Variants in EVC observed in about 807,000 individuals in gnomAD.
EVC encodes the protein EvC ciliary complex subunit 1, also known as evC complex member EVC.
In EVC, 116 loss-of-function variants were observed where a neutral mutation model predicts 118.9. That is an observed-to-expected ratio of 0.98 (90% CI 0.84 to 1.14). EVC has a LOEUF of 1.14. Ranked by LOEUF, EVC falls within the 50% of genes most tolerant of loss-of-function variation. EVC has a pLI of 0.00. For missense variants in EVC, 1,401 were observed against 1,246.4 expected, an observed-to-expected ratio of 1.12 and a Z score of -1.87; for synonymous variants, 619 against 534.7, an observed-to-expected ratio of 1.16 and a Z score of -2.18.
chr4:5,763,719 T>C (rs1732426974), intron 11 of EVC, among the ~76,000 whole-genome samples: 2 of 115,884 alleles, frequency 1.7e-5, no homozygotes, highest in East Asian at 4.8e-4. Context: ...TGTTGGTGTA[T>C]AAGAATGCTT....
chr4:5,741,580 G>A (rs930417068), intron 5 of EVC, 136 bp from the exon 6 acceptor site: 42 of 601,002 alleles, frequency 7.0e-5, no homozygotes, highest in East Asian at 1.5e-4. Flanking sequence ...AAAAATATAC[G>A]TGAAGAGAGG....
At position 5,749,325 on chromosome 4, in the gene EVC, C is replaced by T. The variant is rs939413318; in HGVS notation, c.1098+1019C>T. On this transcript the variant is annotated intron_variant, in intron 8 of 20. Transcript: ENST00000264956. This position sits in a 1 kb window ranked among gnomAD's most constrained non-coding sequence, Gnocchi z 4.4. ...CACACATAAAATACATTAACACTAA[C>T]GATAGCTGATGAGCGGAAAAAAAAA... Among the ~76,000 whole-genome samples, 3 of 138,436 alleles carry T rather than the reference C, an allele frequency of 2.2e-5. No individual in the cohort carries two copies. The highest frequency in any genetic ancestry group is 5.7e-5 in the African/African-American group (2 of 35,150). 90.8% of individuals were successfully genotyped at this position (138,436 alleles called of 152,430 possible).
intron 13 of EVC, among the ~76,000 whole-genome samples, chr4:5,793,960 A>G (rs1326613623): frequency 6.6e-6 from 1 of 152,056 alleles, no homozygotes; most frequent in Non-Finnish European, 1.5e-5. Context: ...GTTTACATAC[A>G]TTTATTTTAC....
Position 5,752,738 on chromosome 4 carries a change from A to C in EVC, c.1099-98A>C, listed in dbSNP as rs978324738. 1.0e-5 allele frequency: 12 copies of C among 1,200,368 alleles called. No individual in the cohort carries two copies. The African/African-American group carries it at 1.8e-4, about 18-fold the overall frequency. The allele number at this position is 1,200,368 out of a possible 1,614,324, so 74.4% of individuals were successfully genotyped here. A position where few individuals can be genotyped will look rare whatever the true frequency, so the allele number is the denominator to read the frequency against. On this transcript the variant is annotated intron_variant, in intron 8 of 20. Transcript: ENST00000264956. The stretch of plus-strand genomic sequence containing the variant: ...CTCCGCTCTCCCAGGCAGTGCCATT[A>C]GTTAATGACCCTGGTGGCTTCTTCT...
At chr4:5,822,254 A>G in the EVC span, among the ~76,000 whole-genome samples, 1 of 152,194 alleles carries the variant, frequency 6.6e-6, no homozygotes, top group Admixed American at 6.5e-5. Context: ...CGGGTGAGCA[A>G]TTTGAGGTTC....
At chr4:5,806,165 C>T (rs1250649735) in intron 17 of EVC, among the ~76,000 whole-genome samples, 2 of 151,798 alleles carry the variant, frequency 1.3e-5, no homozygotes, top group Non-Finnish European at 2.9e-5. Flanking sequence ...CTGCAACCTC[C>T]GCCTCCCGGG....
At chr4:5,828,158 C>A in the EVC span, 1 of 985,426 alleles carries the variant, frequency 1.0e-6, no homozygotes, top group Non-Finnish European at 1.2e-6. Context: ...GATCACAGCA[C>A]CTCCCGTGGG....
intron 11 of EVC, 107 bp from the exon 12 acceptor site, chr4:5,783,445 C>T: frequency 9.4e-7 from 1 of 1,058,576 alleles, no homozygotes; most frequent in Non-Finnish European, 1.5e-6. Context: ...GTCTGTGGAT[C>T]TCCTTGTGTC....
chr4:5,810,550 CAG>C lies in EVC; in HGVS notation c.2894+103_2894+104del, dbSNP rs1716744658. On this transcript the variant is annotated intron_variant, in intron 20 of 20. Coordinates refer to ENST00000264956, the MANE Select transcript of EVC (RefSeq NM_153717.3). ...AGGGCAGGAAAATCATCAGTCCCCTCAGAGGCATTAAATGTGAAGGTTCAAGA... is the reference window on the plus strand; with the variant it reads ...AGGGCAGGAAAATCATCAGTCCCCTCAGGCATTAAATGTGAAGGTTCAAGA... The C allele has an allele frequency of 3.5e-6, 3 of 858,650 alleles. No individual in the cohort carries two copies. In the Admixed American group the frequency reaches 6.1e-5, roughly 17 times the overall value. The allele number at this position is 858,650 out of a possible 1,614,324, so 53.2% of individuals were successfully genotyped here.
rs1730940315 is a variant in EVC, at chr4:5,754,969, T to C, written c.1464+1036T>C. Among the ~76,000 whole-genome samples the C allele has an allele frequency of 6.6e-6, 1 of 151,792 alleles. No homozygotes were observed. Among genetic ancestry groups the C allele is most frequent in the African/African-American group, 2.4e-5 (1 of 41,334 alleles). ...AGAATAGAGGCCCAGGGGCTCTCCC[T>C]GGGGGCCAAGCTGGTGGTGGTGGCA... On this transcript the variant is annotated intron_variant, in intron 10 of 20. Transcript: ENST00000264956. This position sits in a 1 kb window ranked among gnomAD's most constrained non-coding sequence, Gnocchi z 5.8.
At chr4:5,815,311 C>G (rs28671703), downstream of EVC, among the ~76,000 whole-genome samples, 162 of 152,130 alleles carry the variant, frequency 1.1e-3, no homozygotes, top group African/African-American at 3.8e-3. Context: ...CTCCACCCTA[C>G]GAAGGCTCCT....
the EVC span, chr4:5,827,954 A>T: frequency 1.3e-6 from 1 of 793,340 alleles, no homozygotes. Flanking sequence ...GGTCAGTGCT[A>T]AGGTTGTTCA....
intron 2 of EVC, among the ~76,000 whole-genome samples, chr4:5,725,758 T>C (rs1725709834): frequency 6.6e-6 from 1 of 152,184 alleles, no homozygotes; most frequent in Non-Finnish European, 1.5e-5. Context: ...GTTGCGGTTG[T>C]TTTTGGCATT....
chr4:5,782,536 GAAAAAAAAAAAAAAAAA>G (rs71171483), intron 11 of EVC, among the ~76,000 whole-genome samples: 6 of 45,734 alleles, frequency 1.3e-4, no homozygotes, highest in Non-Finnish European at 1.8e-4. Context: ...TGTTTTAAAT[GAAAAAAAAAAAAAAAAA>G]AAAAAAAAAA....
At chr4:5,790,449 C>G (rs898110702) in intron 12 of EVC, among the ~76,000 whole-genome samples, 2 of 152,154 alleles carry the variant, frequency 1.3e-5, no homozygotes, top group Non-Finnish European at 1.5e-5. Context: ...CGTGCGCCAT[C>G]TCCAGGATGC....
chr4:5,819,921 C>T, the EVC span, among the ~76,000 whole-genome samples: 26 of 152,202 alleles, frequency 1.7e-4, no homozygotes, highest in East Asian at 3.5e-3. Context: ...AGCCGAGGAG[C>T]GGGGGAGGAG....
chr4:5,724,065 G>A (rs1358217624), intron 2 of EVC, among the ~76,000 whole-genome samples: 1 of 152,234 alleles, frequency 6.6e-6, no homozygotes, highest in African/African-American at 2.4e-5. Flanking sequence ...ATTGGAAGGT[G>A]TTAACCTCTG....
chr4:5,762,684 G>T (rs1732261068), intron 11 of EVC, among the ~76,000 whole-genome samples: 1 of 146,052 alleles, frequency 6.8e-6, no homozygotes. Flanking sequence ...GTGTTTTTTG[G>T]CTGCATAAAT....
At position 5,804,783 on chromosome 4, in the gene EVC, T is replaced by TC. The variant is rs1560439054; in HGVS notation, c.2504dup (p.Ser836ValfsTer11). On this transcript the variant is annotated frameshift_variant, in exon 17 of 21. Transcript: ENST00000264956. LOFTEE classifies it high-confidence loss of function. ...GAAAAAGCAAGAACTCAGCAACCCTTCGTCGGGCAGCAGGACGGCAGGTGG... is the reference window on the plus strand; with the variant it reads ...GAAAAAGCAAGAACTCAGCAACCCTTCCGTCGGGCAGCAGGACGGCAGGTGG... The TC allele has an allele frequency of 6.2e-7, 1 of 1,614,058 alleles. No homozygotes were observed. The highest frequency in any genetic ancestry group is 1.7e-5 in the Admixed American group (1 of 60,006).
Sources: gnomAD v4.1 joint callset for allele counts (sites outside exome capture counted in the v4.1 genomes callset) on GRCh38, gnomAD v4.1.1 for gene constraint, Gnocchi (gnomAD v3.1) non-coding constraint, MANE v1.5 for transcripts, NCBI Gene and HGNC (gene_info 2026-07-23, HGNC 2026-07-21) for gene names.